KIAA1586: variants seen among roughly 807,000 people sequenced by gnomAD.
The protein encoded by KIAA1586 is E3 SUMO-protein ligase KIAA1586.
Under a neutral mutation model 6.1 loss-of-function variants are expected in KIAA1586, and 5 were observed. That is an observed-to-expected ratio of 0.82 (90% CI 0.43 to 1.73). The LOEUF is 1.73. Ranked by LOEUF, KIAA1586 falls within the 40% of genes most tolerant of loss-of-function variation. KIAA1586 has a pLI of 0.02. For synonymous variants in KIAA1586, 280 were observed against 301.7 expected, an observed-to-expected ratio of 0.93 and a Z score of 0.75; for missense variants, 899 against 878.2, an observed-to-expected ratio of 1.02 and a Z score of -0.30.
At chr6:57,058,531 A>G (rs1366286133), downstream of KIAA1586, among the ~76,000 whole-genome samples, 1 of 152,220 alleles carries the variant, frequency 6.6e-6, no homozygotes, top group Non-Finnish European at 1.5e-5. Context: ...TGCTAGCCAG[A>G]TATTTAATAA....
At chr6:57,049,442 T>A (rs957879424) in intron 2 of KIAA1586, among the ~76,000 whole-genome samples, 1 of 152,166 alleles carries the variant, frequency 6.6e-6, no homozygotes, top group Non-Finnish European at 1.5e-5. Flanking sequence ...CTTAGTCTTT[T>A]CATATAAATG....
chr6:57,053,980 C>T lies in KIAA1586; in HGVS notation c.1481C>T (p.Ala494Val), dbSNP rs1445445797. The T allele has an allele frequency of 6.3e-7, 1 of 1,599,276 alleles. No homozygotes were observed. Among genetic ancestry groups the T allele is most frequent in the African/African-American group, 1.3e-5 (1 of 74,104 alleles). The stretch of plus-strand genomic sequence containing the variant: ...GCATGTAGTTTACAAGCTGCTACTG[C>T]TGTATGGCATGCATATCCTATATTA... ...WAACSLQAATAVWHAYPILYM... is the reference protein window; with the variant it reads ...WAACSLQAATVVWHAYPILYM... Residue 494 changes from alanine to valine, a missense_variant, in exon 4 of 4, where the codon GCT becomes GTT. Coordinates refer to ENST00000370733, the MANE Select transcript of KIAA1586 (RefSeq NM_020931.4).
chr6:57,064,751 G>A, the KIAA1586 span, among the ~76,000 whole-genome samples: 3 of 152,142 alleles, frequency 2.0e-5, no homozygotes, highest in African/African-American at 7.2e-5. Flanking sequence ...TCTGGCAGAT[G>A]TGGCTTTTCT....
rs1440242396 is a variant in KIAA1586, at chr6:57,053,266, T to C, written c.767T>C (p.Leu256Ser). Residue 256 changes from leucine to serine, a missense_variant, in exon 4 of 4, where the codon TTA becomes TCA. Physicochemically the swap from Leu to Ser is moderately radical, Grantham distance 145 (BLOSUM62 -2). Coordinates refer to ENST00000370733, the MANE Select transcript of KIAA1586 (RefSeq NM_020931.4). ...TVKVFNTVYSLVKHNRPLSDI... is the reference protein window; with the variant it reads ...TVKVFNTVYSSVKHNRPLSDI... Reference sequence around the variant, plus strand: ...AAAGTTTTCAATACTGTTTACAGTTTAGTAAAACATAACAGACCTTTATCT... The same window carrying C: ...AAAGTTTTCAATACTGTTTACAGTTCAGTAAAACATAACAGACCTTTATCT... 19 of 1,605,782 alleles carry C rather than the reference T, an allele frequency of 1.2e-5. No individual in the cohort carries two copies. Among genetic ancestry groups the C allele is most frequent in the Non-Finnish European group, 1.5e-5 (18 of 1,177,550 alleles).
chr6:57,055,519 G>A (rs1328034369), downstream of KIAA1586, among the ~76,000 whole-genome samples: 4 of 151,904 alleles, frequency 2.6e-5, no homozygotes, highest in African/African-American at 4.8e-5. Context: ...ATATGATACT[G>A]CTGTCAGCAG....
At chr6:57,057,626 T>C (rs1828517327), downstream of KIAA1586, among the ~76,000 whole-genome samples, 1 of 151,512 alleles carries the variant, frequency 6.6e-6, no homozygotes. Flanking sequence ...TGGTGGCAGG[T>C]GCCTGTAGTC....
In KIAA1586 at chr6:57,053,805, CAAATT is replaced by C. The variant is rs752584910; in HGVS notation, c.1309_1313del (p.Ile437SerfsTer7). Reference sequence around the variant, plus strand: ...TGATGATTCTATATCCGAAATAAAACAAATTAATCATTTAAAAATATTTATTGATA... The same window carrying C: ...TGATGATTCTATATCCGAAATAAAACAATCATTTAAAAATATTTATTGATA... On this transcript the variant is annotated frameshift_variant, in exon 4 of 4. Coordinates refer to ENST00000370733, the MANE Select transcript of KIAA1586 (RefSeq NM_020931.4). LOFTEE classifies it low-confidence loss of function (END_TRUNC). The C allele has an allele frequency of 5.9e-6, 9 of 1,516,896 alleles. No homozygotes were observed. The highest frequency in any genetic ancestry group is 4.1e-5 in the Admixed American group (2 of 49,144). The allele number at this position is 1,516,896 out of a possible 1,614,324, so 94.0% of individuals were successfully genotyped here.
chr6:57,051,406 A>G (rs1828322015), intron 3 of KIAA1586, among the ~76,000 whole-genome samples: 2 of 151,682 alleles, frequency 1.3e-5, no homozygotes, highest in Non-Finnish European at 2.9e-5. Context: ...ACTTGAGGTT[A>G]TTTGCATCTA....
the KIAA1586 span, among the ~76,000 whole-genome samples, chr6:57,066,205 G>A: frequency 1.8e-4 from 28 of 151,878 alleles, no homozygotes; most frequent in African/African-American, 6.5e-4. Flanking sequence ...CTTGAACCCA[G>A]GAGATGGAAG....
rs1285105606 is a variant in KIAA1586, at chr6:57,053,213, A to C, written c.714A>C (p.Gln238His). 1 of 1,598,666 alleles carries C rather than the reference A, an allele frequency of 6.3e-7. No homozygotes were observed. Among genetic ancestry groups the C allele is most frequent in the Non-Finnish European group, 8.5e-7 (1 of 1,174,576 alleles). Residue 238 changes from glutamine to histidine, a missense_variant, in exon 4 of 4, where the codon CAA (glutamine) becomes CAC (histidine). By Grantham distance (24) the Gln-to-His change is conservative. Transcript: ENST00000370733. ...CAATTTGTAATTTAGTGCATAAACAAAATAATAAAAATATTGATGCTACTG... is the reference window on the plus strand; with the variant it reads ...CAATTTGTAATTTAGTGCATAAACACAATAATAAAAATATTGATGCTACTG... Reference protein sequence around the residue: ...NDSICNLVHKQNNKNIDATVK... With the variant: ...NDSICNLVHKHNNKNIDATVK...
chr6:57,050,227 T>A (rs184183567), intron 2 of KIAA1586, among the ~76,000 whole-genome samples: 1 of 151,690 alleles, frequency 6.6e-6, no homozygotes, highest in East Asian at 1.9e-4. Context: ...TTAGGCTCTT[T>A]GGGTTTTGTC....
the KIAA1586 span, among the ~76,000 whole-genome samples, chr6:57,061,822 A>G: frequency 3.9e-5 from 6 of 152,172 alleles, no homozygotes; most frequent in African/African-American, 9.7e-5. Context: ...AATAATTACA[A>G]TCTTCGCAAT....
At chr6:57,063,136 C>T in the KIAA1586 span, among the ~76,000 whole-genome samples, 1 of 152,140 alleles carries the variant, frequency 6.6e-6, no homozygotes, top group Non-Finnish European at 1.5e-5. Flanking sequence ...GAAGGTACCC[C>T]TTCAATTAAG....
In KIAA1586 at chr6:57,054,374, A is replaced by T; in HGVS notation, c.1875A>T (p.Glu625Asp). 1 of 1,608,884 alleles carries T rather than the reference A, an allele frequency of 6.2e-7. No individual in the cohort carries two copies. ...NLRLLSDRNH[E>D]DIFNYFDLLE... Reference sequence around the variant, plus strand: ...GCCTTTTATCTGACAGAAACCATGAAGATATTTTTAATTACTTTGATTTGC... The same window carrying T: ...GCCTTTTATCTGACAGAAACCATGATGATATTTTTAATTACTTTGATTTGC... Residue 625 changes from glutamate to aspartate, a missense_variant, in exon 4 of 4, where the codon GAA becomes GAT. Coordinates refer to ENST00000370733, the MANE Select transcript of KIAA1586 (RefSeq NM_020931.4).
rs763889871 is a variant in KIAA1586 at position 57,054,524 on chromosome 6, AAAT to A, written c.2033_2035del (p.Asn678del). 5 of 1,594,770 alleles carry A rather than the reference AAAT, an allele frequency of 3.1e-6. No individual in the cohort carries two copies. The Admixed American group carries it at 5.3e-5, about 17-fold the overall frequency. On this transcript the variant is annotated inframe_deletion, in exon 4 of 4. Coordinates refer to ENST00000370733, the MANE Select transcript of KIAA1586 (RefSeq NM_020931.4). The stretch of plus-strand genomic sequence containing the variant: ...ATTTGAATGATTTTCGGGAATTTGT[AAAT>A]AATAATATAAAATCAAACAATGTTT...
chr6:57,050,790 C>T lies in KIAA1586; in HGVS notation c.122C>T (p.Pro41Leu), dbSNP rs1335097284. 1 of 1,612,600 alleles carries T rather than the reference C, an allele frequency of 6.2e-7. No individual in the cohort carries two copies. Among genetic ancestry groups the T allele is most frequent in the African/African-American group, 1.3e-5 (1 of 74,796 alleles). Reference protein sequence around the residue: ...IQFVSEGPSRPVLEYIDLVCG... With the variant: ...IQFVSEGPSRLVLEYIDLVCG... Reference sequence around the variant, plus strand: ...CCTTTTTAGGAAGGACCATCGAGACCTGTTCTTGAATACATCGATCTGGTC... The same window carrying T: ...CCTTTTTAGGAAGGACCATCGAGACTTGTTCTTGAATACATCGATCTGGTC... Residue 41 changes from proline to leucine, a missense_variant, in exon 3 of 4, where the codon CCT (proline) becomes CTT (leucine). Transcript: ENST00000370733.
chr6:57,066,577 T>TA, the KIAA1586 span, among the ~76,000 whole-genome samples: 5 of 152,176 alleles, frequency 3.3e-5, no homozygotes, highest in Non-Finnish European at 1.5e-5. Context: ...AATGTTTGCA[T>TA]AGAGGACAGA....
Position 57,052,886 on chromosome 6 carries a change from TA to T in KIAA1586, c.389del (p.Asn130IlefsTer25). 2 of 1,612,916 alleles carry T rather than the reference TA, an allele frequency of 1.2e-6. No homozygotes were observed. The highest frequency in any genetic ancestry group is 1.7e-6 in the Non-Finnish European group (2 of 1,179,584). On this transcript the variant is annotated frameshift_variant, in exon 4 of 4. Transcript: ENST00000370733. LOFTEE classifies it low-confidence loss of function (END_TRUNC). Reference protein sequence around the residue: ...PSLSSKKEIDNLVLPDCWNEK... With the variant: ...PSLSSKKEIDXLVLPDCWNEK... Reference sequence around the variant, plus strand: ...CACTTTCATCAAAGAAAGAAATAGATAATCTTGTGCTTCCAGATTGTTGGAA... The same window carrying T: ...CACTTTCATCAAAGAAAGAAATAGATATCTTGTGCTTCCAGATTGTTGGAA...
rs1288641294 is a variant in KIAA1586, at chr6:57,054,628, G to A, written c.2129G>A (p.Gly710Asp). 6.3e-7 allele frequency: 1 copy of A among 1,590,650 alleles called. No homozygotes were observed. Among genetic ancestry groups the A allele is most frequent in the Non-Finnish European group, 8.6e-7 (1 of 1,165,790 alleles). ...IAINSAEAER[G>D]FNLMNIICTR... is the part of the protein sequence containing the mutation. Reference sequence around the variant, plus strand: ...ATCAATAGTGCTGAAGCTGAAAGGGGTTTCAATTTAATGAACATAATTTGT... The same window carrying A: ...ATCAATAGTGCTGAAGCTGAAAGGGATTTCAATTTAATGAACATAATTTGT... The change falls in exon 4 of 4, where the codon GGT (glycine) becomes GAT (aspartate). Residue 710 changes from glycine to aspartate, a missense_variant. By Grantham distance (94) the Gly-to-Asp change is moderately conservative. Transcript: ENST00000370733.
Sources: gnomAD v4.1 joint callset for allele counts (sites outside exome capture counted in the v4.1 genomes callset) on GRCh38, gnomAD v4.1.1 for gene constraint, MANE v1.5 for transcripts, NCBI Gene and HGNC (gene_info 2026-07-23, HGNC 2026-07-21) for gene names.